Variants in LPAR1 observed in about 807,000 individuals in gnomAD.
The protein encoded by LPAR1 is LPA receptor 1.
LPAR1 carries 5 observed loss-of-function variants against 23.8 expected under a neutral mutation model. The observed-to-expected ratio is 0.21, with a 90% confidence interval of 0.11 to 0.44. The LOEUF (loss-of-function observed/expected upper bound fraction) is 0.44. Among genes scored for constraint, LPAR1 ranks in the 20% least tolerant of loss-of-function variants. LPAR1 has a pLI of 0.99. For missense variants in LPAR1, 311 were observed against 482.8 expected (o/e 0.64, Z 3.33); for synonymous variants, 160 against 164.7 (o/e 0.97, Z 0.22).
chr9:111,037,003 C>T (rs1397453259), intron 1 of LPAR1, among the ~76,000 whole-genome samples: 2 of 152,000 alleles, frequency 1.3e-5, no homozygotes, highest in Non-Finnish European at 2.9e-5. Flanking sequence ...TCCTTGGGAC[C>T]CACTCTTCTA....
intron 4 of LPAR1, among the ~76,000 whole-genome samples, chr9:110,956,357 T>C (rs2095749864): frequency 1.3e-5 from 2 of 151,922 alleles, no homozygotes; most frequent in South Asian, 2.1e-4. Context: ...CTGCACATTC[T>C]GCACATGTAC....
chr9:111,019,462 A>G (rs1007039842), intron 2 of LPAR1, among the ~76,000 whole-genome samples: 42 of 152,190 alleles, frequency 2.8e-4, no homozygotes, highest in African/African-American at 9.9e-4. Context: ...TGAAGAAGGA[A>G]AAAGGAAGAG....
intron 4 of LPAR1, among the ~76,000 whole-genome samples, chr9:110,946,541 A>T (rs941171418): frequency 6.6e-6 from 1 of 152,178 alleles, no homozygotes; most frequent in Non-Finnish European, 1.5e-5. Flanking sequence ...AATTACATTG[A>T]TGTTTTCATA....
chr9:110,929,489 A>C (rs2094255458), intron 5 of LPAR1, among the ~76,000 whole-genome samples: 1 of 152,216 alleles, frequency 6.6e-6, no homozygotes, highest in African/African-American at 2.4e-5. Flanking sequence ...TAAGCAAGCA[A>C]AATTTCTGAG....
At chr9:110,926,718 T>C (rs1199056433) in intron 5 of LPAR1, among the ~76,000 whole-genome samples, 1 of 151,886 alleles carries the variant, frequency 6.6e-6, no homozygotes, top group African/African-American at 2.4e-5. Context: ...CTAACTCTCC[T>C]TTCCTTTCCT....
At chr9:110,917,942 AC>A (rs2093325525) in intron 5 of LPAR1, among the ~76,000 whole-genome samples, 1 of 152,088 alleles carries the variant, frequency 6.6e-6, no homozygotes, top group African/African-American at 2.4e-5. Flanking sequence ...TCGCTCTGCC[AC>A]CCAGGCTGTA....
chr9:110,958,103 C>T (rs1007072422), intron 4 of LPAR1, among the ~76,000 whole-genome samples: 1 of 152,086 alleles, frequency 6.6e-6, no homozygotes, highest in African/African-American at 2.4e-5. Flanking sequence ...GGAAAGACAT[C>T]CTATGCTTAT....
At position 110,875,297 on chromosome 9, in the gene LPAR1, A is replaced by T; in HGVS notation, c.*124T>A. 1 of 703,300 alleles carries T rather than the reference A, an allele frequency of 1.4e-6. No individual in the cohort carries two copies. Among genetic ancestry groups the T allele is most frequent in the Non-Finnish European group, 2.3e-6 (1 of 429,540 alleles). The allele number at this position is 703,300 out of a possible 1,614,324, so 43.6% of individuals were successfully genotyped here. A position where few individuals can be genotyped will look rare whatever the true frequency, so the allele number is the denominator to read the frequency against. ...CCAGGAACAAATACTGTCATTGGTTAGTGTTTAAGTACATGAGTTGACTTT... is the reference window on the plus strand; with the variant it reads ...CCAGGAACAAATACTGTCATTGGTTTGTGTTTAAGTACATGAGTTGACTTT... On this transcript the variant is annotated 3_prime_UTR_variant, in exon 6 of 6. Coordinates refer to ENST00000683809, the MANE Select transcript of LPAR1 (RefSeq NM_001351411.2).
In LPAR1 at chr9:110,944,963, T is replaced by C. The variant is rs377522299; in HGVS notation, c.46-2795A>G. Reference sequence around the variant, plus strand: ...TAAGAACGCTATATTTCATGAAAATTAGCAGCTAAATATTGAAAGAGTAGA... The same window carrying C: ...TAAGAACGCTATATTTCATGAAAATCAGCAGCTAAATATTGAAAGAGTAGA... On this transcript the variant is annotated intron_variant, in intron 4 of 5. Coordinates refer to ENST00000683809, the MANE Select transcript of LPAR1 (RefSeq NM_001351411.2). 4.6e-5 allele frequency among the ~76,000 whole-genome samples: 7 copies of C among 152,294 alleles called. No homozygotes were observed. In the South Asian group the frequency reaches 1.4e-3, roughly 32 times the overall value.
chr9:110,965,346 A>G (rs2096176165), intron 4 of LPAR1, among the ~76,000 whole-genome samples: 2 of 152,242 alleles, frequency 1.3e-5, no homozygotes, highest in African/African-American at 4.8e-5. Flanking sequence ...GGCAACCTAC[A>G]GAATGGGAGA....
chr9:110,947,790 TG>T (rs2095433521), intron 4 of LPAR1, among the ~76,000 whole-genome samples: 1 of 152,220 alleles, frequency 6.6e-6, no homozygotes, highest in Non-Finnish European at 1.5e-5. Flanking sequence ...AAGGAACAGT[TG>T]GCATAAACTC....
At chr9:110,897,169 T>TTC (rs1401492579) in intron 5 of LPAR1, among the ~76,000 whole-genome samples, 3 of 152,188 alleles carry the variant, frequency 2.0e-5, no homozygotes, top group African/African-American at 4.8e-5. Context: ...AAATCTCATC[T>TTC]TGCAGCTCCC....
intron 5 of LPAR1, among the ~76,000 whole-genome samples, chr9:110,933,948 A>C (rs1046658652): frequency 6.6e-6 from 1 of 152,166 alleles, no homozygotes; most frequent in Non-Finnish European, 1.5e-5. Context: ...TGGTGTTTGA[A>C]AGTTGTTTTC....
chr9:111,008,134 A>G (rs192537176), intron 2 of LPAR1, among the ~76,000 whole-genome samples: 41 of 152,094 alleles, frequency 2.7e-4, no homozygotes, highest in Non-Finnish European at 2.9e-4. Context: ...AGATTGTGCC[A>G]CTGCACTCCA....
chr9:111,034,621 T>C (rs955853888), intron 2 of LPAR1, among the ~76,000 whole-genome samples: 17 of 152,102 alleles, frequency 1.1e-4, no homozygotes, highest in African/African-American at 4.1e-4. Flanking sequence ...ATAATTTGAG[T>C]AAACAGGCAA....
intron 4 of LPAR1, among the ~76,000 whole-genome samples, chr9:110,971,734 C>CCCCT (rs2096429012): frequency 3.2e-4 from 48 of 149,514 alleles, no homozygotes; most frequent in African/African-American, 1.2e-3. Context: ...CCCCACCCCC[C>CCCCT]GGCCCACAAA....
intron 5 of LPAR1, among the ~76,000 whole-genome samples, chr9:110,938,773 C>T (rs1408586529): frequency 6.6e-6 from 1 of 151,966 alleles, no homozygotes; most frequent in African/African-American, 2.4e-5. Flanking sequence ...AATTGAGAGG[C>T]TGAAGTGGGA....
In LPAR1 at chr9:110,874,352, TG is replaced by T. The variant is rs2078675110; in HGVS notation, c.*1068del. On this transcript the variant is annotated 3_prime_UTR_variant, in exon 6 of 6. Transcript: ENST00000683809. ...ATAAGAAAATGTGGCAATTTTGCAA[TG>T]AAAAAGATCTACTTATAAAACTGTT... is the stretch of plus-strand genomic sequence containing the variant. The T allele has an allele frequency of 6.6e-6, 1 of 152,622 alleles. No individual in the cohort carries two copies. Among genetic ancestry groups the T allele is most frequent in the Non-Finnish European group, 1.5e-5 (1 of 68,022 alleles). 9.5% of individuals were successfully genotyped at this position (152,622 alleles called of 1,614,324 possible).
chr9:110,909,383 T>C (rs1048987086), intron 5 of LPAR1, among the ~76,000 whole-genome samples: 5 of 150,068 alleles, frequency 3.3e-5, no homozygotes, highest in African/African-American at 9.9e-5. Flanking sequence ...ATTTCATTGA[T>C]TGACATCACA....
Sources: gnomAD v4.1 joint callset for allele counts (sites outside exome capture counted in the v4.1 genomes callset) on GRCh38, gnomAD v4.1.1 for gene constraint, MANE v1.5 for transcripts, NCBI Gene and HGNC (gene_info 2026-07-23, HGNC 2026-07-21) for gene names.